Variants in FANCD2 observed in about 807,000 individuals in gnomAD.
The protein encoded by FANCD2 is FA complementation group D2.
FANCD2 carries 131 observed loss-of-function variants against 192.3 expected under a neutral mutation model. The ratio of observed to expected loss-of-function variants is 0.68; its 90% confidence interval spans 0.59 to 0.79. The LOEUF is 0.79. Ranked by LOEUF, FANCD2 falls within the 30% of genes least tolerant of loss-of-function variation. The probability of loss-of-function intolerance (pLI) is 0.00; values close to 1 mark genes in which losing one functional copy is unlikely to be tolerated. For missense variants in FANCD2, 1,508 were observed against 1,701.6 expected (o/e 0.89, Z 2.00); for synonymous variants, 524 against 612.5 (o/e 0.86, Z 2.13).
chr3:10,099,138 T>C, intron 43 of FANCD2: 1 of 1,471,702 alleles, frequency 6.8e-7, no homozygotes, highest in Non-Finnish European at 8.9e-7. Flanking sequence ...AAGTATTTTC[T>C]GAGTGTTGAG....
chr3:10,085,998 T>C, intron 33 of FANCD2, 76 bp downstream of exon 33: 5 of 956,490 alleles, frequency 5.2e-6, no homozygotes, highest in Non-Finnish European at 6.9e-6. Context: ...TTCTTTAAAA[T>C]AACCTGGGTG....
chr3:10,032,887 A>G lies in FANCD2; in HGVS notation c.120A>G (p.Glu40=). The G allele has an allele frequency of 6.2e-7, 1 of 1,611,232 alleles. No homozygotes were observed. Among genetic ancestry groups the G allele is most frequent in the Non-Finnish European group, 8.5e-7 (1 of 1,177,548 alleles). The change falls in exon 3 of 44, where the codon GAA becomes GAG. Residue 40 remains glutamate, a synonymous_variant. Coordinates refer to ENST00000675286, the MANE Select transcript of FANCD2 (RefSeq NM_001018115.3). ...KKTKKSHIAN[E]VEENDSIFVK... Reference sequence around the variant, plus strand: ...CAAAGAAATCTCATATTGCTAATGAAGTTGAAGAAAATGACAGCATCTTTG... The same window carrying G: ...CAAAGAAATCTCATATTGCTAATGAGGTTGAAGAAAATGACAGCATCTTTG...
intron 7 of FANCD2, among the ~76,000 whole-genome samples, chr3:10,037,111 A>G (rs2086751618): frequency 6.6e-6 from 1 of 151,354 alleles, no homozygotes; most frequent in Admixed American, 6.6e-5. Context: ...CTCTCAAACT[A>G]CTGGGATGTG....
intron 8 of FANCD2, 147 bp downstream of exon 8, chr3:10,039,504 T>C (rs2086810906): frequency 1.6e-5 from 15 of 909,228 alleles, no homozygotes; most frequent in Non-Finnish European, 2.3e-5. Context: ...TTGAGAATCA[T>C]AGATACTTCA....
intron 37 of FANCD2, among the ~76,000 whole-genome samples, chr3:10,091,464 C>T (rs1694605471): frequency 6.6e-6 from 1 of 150,492 alleles, no homozygotes; most frequent in Non-Finnish European, 1.5e-5. Flanking sequence ...AGACTCAGAC[C>T]CTGTCTCAAA....
At chr3:10,052,908 G>A (rs2087260390) in intron 18 of FANCD2, among the ~76,000 whole-genome samples, 1 of 131,398 alleles carries the variant, frequency 7.6e-6, no homozygotes, top group Admixed American at 8.0e-5. Flanking sequence ...GGAGAAATAG[G>A]AACACTTTTA....
intron 9 of FANCD2, 94 bp downstream of exon 9, chr3:10,039,939 T>A: frequency 1.4e-6 from 2 of 1,476,096 alleles, no homozygotes; most frequent in Non-Finnish European, 1.9e-6. Flanking sequence ...TGGTCTCTTC[T>A]ATCTAAAAAG....
intron 38 of FANCD2, among the ~76,000 whole-genome samples, 200 bp from the exon 39 acceptor site, chr3:10,093,084 CT>C (rs1426098550): frequency 6.6e-6 from 1 of 152,160 alleles, no homozygotes; most frequent in Non-Finnish European, 1.5e-5. Flanking sequence ...GTTTATTTCT[CT>C]TTGCTCGTCT....
chr3:10,068,090 C>T lies in FANCD2; in HGVS notation c.2494+773C>T, dbSNP rs542927629. On this transcript the variant is annotated intron_variant, in intron 26 of 43. Transcript: ENST00000675286. ...GATCTGAACAAGACAAGGATACCCA[C>T]TTATATAATACCACTATTATAAAAT... Among the ~76,000 whole-genome samples, 17 of 152,230 alleles carry T rather than the reference C, an allele frequency of 1.1e-4. 1 individual carries two copies. The South Asian group carries it at 3.5e-3, about 32-fold the overall frequency.
chr3:10,039,166 A>G, intron 7 of FANCD2, 113 bp from the exon 8 acceptor site: 1 of 693,304 alleles, frequency 1.4e-6, no homozygotes. Flanking sequence ...AATGCATAGT[A>G]GGTGTTCGGT....
chr3:10,029,692 G>A (rs1228125253), intron 2 of FANCD2, among the ~76,000 whole-genome samples: 1 of 152,188 alleles, frequency 6.6e-6, no homozygotes, highest in Non-Finnish European at 1.5e-5. Context: ...CCCGAAAAGT[G>A]TATGGTGTAC....
chr3:10,042,490 T>C, intron 10 of FANCD2, 69 bp from the exon 11 acceptor site: 1 of 1,206,468 alleles, frequency 8.3e-7, no homozygotes. Flanking sequence ...TAATTTTATC[T>C]AACAGTTCAG....
chr3:10,083,763 C>G (rs1267617474), intron 32 of FANCD2: 1 of 151,454 alleles, frequency 6.6e-6, no homozygotes, highest in African/African-American at 2.4e-5. Context: ...TTGCAGGCGC[C>G]TGTAGTCCCA....
At position 10,085,083 on chromosome 3, in the gene FANCD2, G is replaced by A. The variant is rs34004365; in HGVS notation, c.3225-729G>A. 2.0e-3 allele frequency among the ~76,000 whole-genome samples: 305 copies of A among 152,272 alleles called. 4 individuals are homozygous for A. In the East Asian group the frequency reaches 0.05, roughly 25 times the overall value. Reference sequence around the variant, plus strand: ...GACTTGACTCATTAATGTAGGAGAAGGGGTAAGTACCACTATGGGCTGGAC... The same window carrying A: ...GACTTGACTCATTAATGTAGGAGAAAGGGTAAGTACCACTATGGGCTGGAC... On this transcript the variant is annotated intron_variant, in intron 32 of 43. Transcript: ENST00000675286.
At chr3:10,062,927 C>G (rs767632795) in intron 20 of FANCD2, among the ~76,000 whole-genome samples, 1 of 152,130 alleles carries the variant, frequency 6.6e-6, no homozygotes, top group Non-Finnish European at 1.5e-5. Flanking sequence ...TCTCAAACTC[C>G]TGATCTCAGG....
At chr3:10,030,760 C>T (rs1010952744) in intron 2 of FANCD2, among the ~76,000 whole-genome samples, 2 of 151,966 alleles carry the variant, frequency 1.3e-5, no homozygotes, top group African/African-American at 2.4e-5. Flanking sequence ...ATTAGCTGGG[C>T]GTGGTGTCAC....
At position 10,067,310 on chromosome 3, in the gene FANCD2, C is replaced by G. The variant is rs1289665675; in HGVS notation, c.2487C>G (p.Tyr829Ter). 5 of 1,604,072 alleles carry G rather than the reference C, an allele frequency of 3.1e-6. No homozygotes were observed. The highest frequency in any genetic ancestry group is 4.3e-6 in the Non-Finnish European group (5 of 1,171,262). ...IVELQIILEK[Y>*]LAVTPDYVPP... ...AATTGCAAATAATCCTGGAAAAGTA[C>G]TTGGCAGGTAAGAGAAGTGTCCTAT... Residue 829 changes from tyrosine to a stop codon, truncating the protein, a stop_gained, in exon 26 of 44, where the codon TAC becomes TAG. Coordinates refer to ENST00000675286, the MANE Select transcript of FANCD2 (RefSeq NM_001018115.3). LOFTEE classifies it high-confidence loss of function.
chr3:10,055,840 TA>T (rs1352244026), intron 18 of FANCD2, among the ~76,000 whole-genome samples: 2 of 151,880 alleles, frequency 1.3e-5, no homozygotes, highest in Admixed American at 6.6e-5. Context: ...AATAAATAAA[TA>T]AATAAATAAT....
rs1333947326 is a variant in FANCD2, at chr3:10,052,440, C to T, written c.1599C>T (p.Phe533=). Residue 533 remains phenylalanine (F), a synonymous_variant, in exon 18 of 44, where the codon TTC becomes TTT. Coordinates refer to ENST00000675286, the MANE Select transcript of FANCD2 (RefSeq NM_001018115.3). The part of the protein sequence containing the change: ...NISPQQIRKL[F]YVLSTLAFSK... ...CCCCTCAGCAAATACGAAAACTCTT[C>T]TATGTTCTCAGCACACTGGCATTTA... is the stretch of plus-strand genomic sequence containing the variant. The T allele has an allele frequency of 6.2e-7, 1 of 1,613,082 alleles. No individual in the cohort carries two copies. Among genetic ancestry groups the T allele is most frequent in the Non-Finnish European group, 8.5e-7 (1 of 1,179,900 alleles).
Sources: gnomAD v4.1 joint callset for allele counts (sites outside exome capture counted in the v4.1 genomes callset) on GRCh38, gnomAD v4.1.1 for gene constraint, MANE v1.5 for transcripts, NCBI Gene and HGNC (gene_info 2026-07-23, HGNC 2026-07-21) for gene names.